The following PPARGC1A variants were observed in gnomAD, a reference collection of about 807,000 sequenced individuals.
The protein encoded by PPARGC1A is peroxisome proliferator-activated receptor gamma coactivator 1-alpha.
Under a neutral mutation model 88.7 loss-of-function variants are expected in PPARGC1A, and 25 were observed. The ratio of observed to expected loss-of-function variants is 0.28; its 90% CI spans 0.21 to 0.39. PPARGC1A has a LOEUF of 0.39. PPARGC1A is among the 10% of genes least tolerant of loss of function. The pLI, the probability that PPARGC1A is intolerant of heterozygous loss-of-function variation, is 1.00. For synonymous variants in PPARGC1A, 363 were observed against 355.6 expected (o/e 1.02, Z -0.24); for missense variants, 880 against 968.7 (o/e 0.91, Z 1.22).
chr4:23,904,205 T>C (rs1055178785), upstream of PPARGC1A: 4 of 211,416 alleles, frequency 1.9e-5, no homozygotes, highest in Non-Finnish European at 1.6e-5. Flanking sequence ...AAACCCAATC[T>C]TAGCCAGATA....
At chr4:24,189,634 G>A in the PPARGC1A span, among the ~76,000 whole-genome samples, 1 of 152,064 alleles carries the variant, frequency 6.6e-6, no homozygotes, top group Admixed American at 6.6e-5. Flanking sequence ...ATCACTTCTA[G>A]CATAGGCTAT....
At chr4:24,228,387 C>T in the PPARGC1A span, among the ~76,000 whole-genome samples, 1 of 152,156 alleles carries the variant, frequency 6.6e-6, no homozygotes, top group African/African-American at 2.4e-5. Flanking sequence ...CAAATTAACA[C>T]AGGAACAGAA....
the PPARGC1A span, among the ~76,000 whole-genome samples, chr4:23,924,926 T>C: frequency 6.6e-6 from 1 of 152,188 alleles, no homozygotes; most frequent in Non-Finnish European, 1.5e-5. Context: ...AGAAGAGTGA[T>C]GGATTCATGG....
At chr4:23,855,171 A>T (rs1191491299) in intron 2 of PPARGC1A, among the ~76,000 whole-genome samples, 3 of 152,056 alleles carry the variant, frequency 2.0e-5, no homozygotes, top group Admixed American at 6.6e-5. Context: ...TCCTGCCACA[A>T]TTGTGAGGCC....
At chr4:23,897,319 G>T (rs906465666) in intron 1 of PPARGC1A, among the ~76,000 whole-genome samples, 50 of 152,292 alleles carry the variant, frequency 3.3e-4, no homozygotes, top group African/African-American at 1.2e-3. Context: ...CTGACAGGTG[G>T]AGTCACTTTG....
the PPARGC1A span, among the ~76,000 whole-genome samples, chr4:24,181,077 C>A: frequency 1.3e-5 from 2 of 152,152 alleles, no homozygotes; most frequent in Non-Finnish European, 2.9e-5. Context: ...TGCCCAAATT[C>A]AAGGAAATGC....
chr4:23,955,744 T>C, the PPARGC1A span, among the ~76,000 whole-genome samples: 3 of 152,156 alleles, frequency 2.0e-5, no homozygotes, highest in Admixed American at 6.6e-5. Context: ...TCCTATTTTG[T>C]TCTGATCTCA....
the PPARGC1A span, among the ~76,000 whole-genome samples, chr4:24,405,690 A>G: frequency 2.0e-5 from 3 of 152,162 alleles, no homozygotes; most frequent in Non-Finnish European, 2.9e-5. Flanking sequence ...AATGGATCCA[A>G]TGGTAGCCTC....
At chr4:23,909,383 G>T in the PPARGC1A span, among the ~76,000 whole-genome samples, 1 of 152,150 alleles carries the variant, frequency 6.6e-6, no homozygotes. Context: ...TAATCATGAG[G>T]TTAGCATAGT....
the PPARGC1A span, among the ~76,000 whole-genome samples, chr4:24,464,170 T>C: frequency 6.6e-6 from 1 of 152,258 alleles, no homozygotes; most frequent in Non-Finnish European, 1.5e-5. Context: ...GTCAGTGGAA[T>C]TCAATAAATG....
the PPARGC1A span, among the ~76,000 whole-genome samples, chr4:24,285,295 G>A: frequency 6.6e-6 from 1 of 152,128 alleles, no homozygotes; most frequent in African/African-American, 2.4e-5. Context: ...ATATGTTCTA[G>A]ATAAGTAAGA....
chr4:23,913,261 TATATATAGAGAGAGAGAGAGAG>T, the PPARGC1A span, among the ~76,000 whole-genome samples: 3,360 of 54,566 alleles, frequency 0.062, 153 homozygotes, highest in African/African-American at 0.18. Context: ...TATATATATA[TATATATAGAGAGAGAGAGAGAG>T]AGAGAGAGAG....
the PPARGC1A span, among the ~76,000 whole-genome samples, chr4:24,354,201 G>C: frequency 3.9e-5 from 6 of 152,146 alleles, no homozygotes; most frequent in Non-Finnish European, 2.9e-5. Context: ...GTCACAGCTA[G>C]GAAATATGCT....
rs558616174 is a variant in PPARGC1A, at chr4:23,802,245, G to A, written c.2120C>T (p.Thr707Ile). 9 of 1,613,968 alleles carry A rather than the reference G, an allele frequency of 5.6e-6. No individual in the cohort carries two copies. The highest frequency in any genetic ancestry group is 2.2e-5 in the South Asian group (2 of 91,072). ...TCACCCATCATCCCGCAGATTTACT[G>A]TGCACTCCTCAATTTCACCAAAAAC... ...FEVFGEIEEC[T>I]VNLRDDGDSY... Residue 707 changes from threonine (T) to isoleucine (I), a missense_variant, in exon 11 of 13, where the codon ACA becomes ATA. Physicochemically the swap from Thr to Ile is moderately conservative, Grantham distance 89. Transcript: ENST00000264867.
intron 4 of PPARGC1A, among the ~76,000 whole-genome samples, chr4:23,828,868 C>G (rs1031026309): frequency 1.3e-5 from 2 of 152,130 alleles, no homozygotes; most frequent in Non-Finnish European, 2.9e-5. Context: ...GACCCTACAG[C>G]GCCTTTATTG....
chr4:24,393,324 A>G, the PPARGC1A span, among the ~76,000 whole-genome samples: 5 of 152,164 alleles, frequency 3.3e-5, no homozygotes, highest in Non-Finnish European at 5.9e-5. Flanking sequence ...ATTCTTTTCT[A>G]TAGCCACATA....
At chr4:24,089,659 C>T in the PPARGC1A span, among the ~76,000 whole-genome samples, 11 of 152,014 alleles carry the variant, frequency 7.2e-5, no homozygotes, top group African/African-American at 1.9e-4. Context: ...TACAGGCGCC[C>T]GCCGCCACGC....
chr4:23,935,065 G>A, the PPARGC1A span, among the ~76,000 whole-genome samples: 1 of 152,160 alleles, frequency 6.6e-6, no homozygotes, highest in East Asian at 1.9e-4. Flanking sequence ...CCCAGCTGGG[G>A]ATCACATTCT....
chr4:23,900,457 T>C (rs1365335905), upstream of PPARGC1A, among the ~76,000 whole-genome samples: 1 of 152,170 alleles, frequency 6.6e-6, no homozygotes, highest in Non-Finnish European at 1.5e-5. Context: ...AATGGAAATA[T>C]AAATGCCTAT....
Sources: gnomAD v4.1 joint callset for allele counts (sites outside exome capture counted in the v4.1 genomes callset) on GRCh38, gnomAD v4.1.1 for gene constraint, MANE v1.5 for transcripts, NCBI Gene and HGNC (gene_info 2026-07-23, HGNC 2026-07-21) for gene names.